GALNT13: variants seen among roughly 807,000 people sequenced by gnomAD.
The protein encoded by GALNT13 is UDP-GalNAc:polypeptide N-acetylgalactosaminyltransferase 13.
A neutral mutation model predicts 64.2 loss-of-function variants in GALNT13; 28 were observed. The ratio of observed to expected loss-of-function variants is 0.44; its 90% confidence interval spans 0.32 to 0.60. GALNT13 has a LOEUF of 0.60. Among genes scored for constraint, GALNT13 ranks in the 20% least tolerant of loss-of-function variants. The pLI is 0.05. For missense variants in GALNT13, 577 were observed against 669.8 expected (o/e 0.86, Z 1.53); for synonymous variants, 214 against 224.6 (o/e 0.95, Z 0.42).
chr2:153,635,615 G>A, the GALNT13 span, among the ~76,000 whole-genome samples: 1 of 151,960 alleles, frequency 6.6e-6, no homozygotes, highest in Non-Finnish European at 1.5e-5. Flanking sequence ...GATGAATTCT[G>A]CAGAGTTGAA....
the GALNT13 span, among the ~76,000 whole-genome samples, chr2:153,814,735 T>C: frequency 6.6e-6 from 1 of 152,226 alleles, no homozygotes; most frequent in Non-Finnish European, 1.5e-5. Flanking sequence ...TTCATTATGA[T>C]GCTCCCTCCA....
At chr2:154,397,178 G>A (rs551531510) in intron 10 of GALNT13, among the ~76,000 whole-genome samples, 15 of 152,234 alleles carry the variant, frequency 9.9e-5, no homozygotes, top group African/African-American at 3.4e-4. Flanking sequence ...GTTCACGACT[G>A]TAATCCCAGC....
the GALNT13 span, among the ~76,000 whole-genome samples, chr2:153,440,349 ATTGG>A: frequency 6.6e-6 from 1 of 152,112 alleles, no homozygotes; most frequent in Non-Finnish European, 1.5e-5. Context: ...CCAGTCTATC[ATTGG>A]TGGGCATTTG....
At chr2:153,566,362 T>TTTTTTG in the GALNT13 span, among the ~76,000 whole-genome samples, 5 of 143,144 alleles carry the variant, frequency 3.5e-5, no homozygotes, top group East Asian at 2.1e-4. Context: ...TTTTTTTTTT[T>TTTTTTG]TTTTTTTTTT....
At chr2:153,614,991 T>C in the GALNT13 span, among the ~76,000 whole-genome samples, 1 of 152,066 alleles carries the variant, frequency 6.6e-6, no homozygotes, top group Non-Finnish European at 1.5e-5. Flanking sequence ...CTATTTATTG[T>C]TGCCGTTAAC....
At chr2:153,869,340 C>A (rs940548530), upstream of GALNT13, among the ~76,000 whole-genome samples, 5 of 151,948 alleles carry the variant, frequency 3.3e-5, no homozygotes, top group African/African-American at 1.2e-4. Context: ...AGATATTATT[C>A]CCAGTTTGCT....
the GALNT13 span, among the ~76,000 whole-genome samples, chr2:153,527,108 G>A: frequency 1.1e-3 from 161 of 152,192 alleles, no homozygotes; most frequent in African/African-American, 3.7e-3. Flanking sequence ...AGAAAAGAGA[G>A]GGGAGTAGAA....
chr2:154,451,765 G>T lies in GALNT13; in HGVS notation c.*1214G>T, dbSNP rs1232210906. On this transcript the variant is annotated 3_prime_UTR_variant, in exon 13 of 13. Transcript: ENST00000392825. ...AGGCCATGAAAGTGAAAAAAAATCAGATTTTTGCTAGTAAGTTTTTATATT... is the reference window on the plus strand; with the variant it reads ...AGGCCATGAAAGTGAAAAAAAATCATATTTTTGCTAGTAAGTTTTTATATT... 1.3e-5 allele frequency: 2 copies of T among 151,992 alleles called. No homozygotes were observed. 9.4% of individuals were successfully genotyped at this position (151,992 alleles called of 1,614,324 possible). A position where few individuals can be genotyped will look rare whatever the true frequency, so the allele number is the denominator to read the frequency against.
chr2:153,325,644 A>T, the GALNT13 span, among the ~76,000 whole-genome samples: 3 of 152,172 alleles, frequency 2.0e-5, no homozygotes, highest in Non-Finnish European at 4.4e-5. Flanking sequence ...AGTGCTATAA[A>T]TTTCCCTGTA....
intron 5 of GALNT13, 53 bp downstream of exon 5, chr2:154,242,249 GT>G (rs566558198): frequency 5.3e-6 from 8 of 1,516,238 alleles, no homozygotes; most frequent in South Asian, 2.4e-5. Context: ...GTTTTGTTTT[GT>G]TTTTTTGTAT....
intron 9 of GALNT13, among the ~76,000 whole-genome samples, chr2:154,355,990 C>A (rs1696724426): frequency 6.6e-6 from 1 of 151,890 alleles, no homozygotes; most frequent in Non-Finnish European, 1.5e-5. Flanking sequence ...TCATCAGGTT[C>A]TCTTTGATAT....
chr2:153,215,945 A>G, the GALNT13 span, among the ~76,000 whole-genome samples: 3,808 of 152,072 alleles, frequency 0.025, 169 homozygotes, highest in African/African-American at 0.086. Context: ...GAAGAGTTCC[A>G]TCAACTCCCC....
chr2:154,197,380 C>T (rs1410969331), intron 4 of GALNT13, among the ~76,000 whole-genome samples: 1 of 152,018 alleles, frequency 6.6e-6, no homozygotes, highest in African/African-American at 2.4e-5. Context: ...CCCAAAGAAG[C>T]CTAGGGCAAT....
the GALNT13 span, among the ~76,000 whole-genome samples, chr2:153,783,755 G>T: frequency 0.12 from 18,006 of 152,100 alleles, 1,586 homozygotes; most frequent in Admixed American, 0.27. Flanking sequence ...TTTATAAAGG[G>T]CTTTTCCCTT....
intron 3 of GALNT13, among the ~76,000 whole-genome samples, chr2:153,976,767 G>A (rs1241654920): frequency 2.0e-5 from 3 of 152,002 alleles, no homozygotes; most frequent in Admixed American, 6.6e-5. Flanking sequence ...ATATTACTAA[G>A]TGATTAATTC....
chr2:153,490,203 G>A, the GALNT13 span, among the ~76,000 whole-genome samples: 1 of 151,910 alleles, frequency 6.6e-6, no homozygotes, highest in South Asian at 2.1e-4. Context: ...ATATTCTAAT[G>A]GTATTAAAAG....
intron 4 of GALNT13, among the ~76,000 whole-genome samples, chr2:154,181,933 G>T (rs1376279347): frequency 6.6e-6 from 1 of 150,598 alleles, no homozygotes; most frequent in Admixed American, 6.6e-5. Flanking sequence ...TATGTTATTG[G>T]TTATCATTTG....
At chr2:154,285,677 C>A (rs1483102058) in intron 8 of GALNT13, among the ~76,000 whole-genome samples, 3 of 151,862 alleles carry the variant, frequency 2.0e-5, no homozygotes, top group African/African-American at 7.3e-5. Context: ...TCTTTTTGTT[C>A]AAAATTTCTT....
At chr2:153,290,917 C>G in the GALNT13 span, among the ~76,000 whole-genome samples, 1 of 152,054 alleles carries the variant, frequency 6.6e-6, no homozygotes, top group African/African-American at 2.4e-5. Flanking sequence ...ATAAATGTAA[C>G]AGGAAAAATG....
Sources: allele counts gnomAD v4.1 joint callset (sites outside exome capture counted in the v4.1 genomes callset), GRCh38; gene constraint gnomAD v4.1.1; transcripts MANE v1.5; gene names NCBI Gene and HGNC (gene_info 2026-07-23, HGNC 2026-07-21).